The following SORCS1 variants were observed in gnomAD, a reference collection of about 807,000 sequenced individuals.
SORCS1 encodes sortilin related VPS10 domain containing receptor 1.
Under a neutral mutation model 146.1 loss-of-function variants are expected in SORCS1, and 60 were observed. That is an observed-to-expected ratio of 0.41 (90% confidence interval 0.33 to 0.51). The LOEUF (loss-of-function observed/expected upper bound fraction) is 0.51, where lower values mean the gene tolerates loss of function less well. Ranked by LOEUF, SORCS1 falls within the 20% of genes least tolerant of loss-of-function variation. The pLI, the probability that SORCS1 is intolerant of heterozygous loss-of-function variation, is 0.21. For missense variants in SORCS1, 1,352 were observed against 1,487.6 expected, an observed-to-expected ratio of 0.91 and a Z score of 1.50; for synonymous variants, 637 against 584.0, an observed-to-expected ratio of 1.09 and a Z score of -1.31.
rs142927446 is a variant in SORCS1, at chr10:107,112,621, T to C, written c.558+51348A>G. ...AATGGGTTAAAAAAAATCAACAATA[T>C]GCTACCTAAAATAGACTCACTTAAG... On this transcript the variant is annotated intron_variant, in intron 1 of 25. Coordinates refer to ENST00000263054, the MANE Select transcript of SORCS1 (RefSeq NM_052918.5). Among the ~76,000 whole-genome samples the C allele has an allele frequency of 2.0e-3, 298 of 152,154 alleles. 1 individual carries two copies. The highest frequency in any genetic ancestry group is 7.0e-3 in the African/African-American group (291 of 41,534).
chr10:106,597,778 A>G (rs1845993213), intron 23 of SORCS1, among the ~76,000 whole-genome samples: 2 of 152,212 alleles, frequency 1.3e-5, no homozygotes, highest in African/African-American at 4.8e-5. Context: ...TGAGGACTTA[A>G]AAGAAGTATA....
intron 3 of SORCS1, among the ~76,000 whole-genome samples, chr10:106,790,827 C>T (rs1427175092): frequency 6.6e-6 from 1 of 152,098 alleles, no homozygotes; most frequent in African/African-American, 2.4e-5. Flanking sequence ...GTCAAAGATA[C>T]AATAATTTTG....
intron 1 of SORCS1, among the ~76,000 whole-genome samples, chr10:107,008,132 T>C (rs190300729): frequency 5.3e-5 from 8 of 152,260 alleles, no homozygotes; most frequent in Admixed American, 1.3e-4. Flanking sequence ...GTTTTTTCTA[T>C]ACTAACATCA....
In SORCS1 at chr10:106,947,803, A is replaced by G. The variant is rs2138850800; in HGVS notation, c.626+8710T>C. ...GCAGAGGTTGCAGTGAGCCGAGAAC[A>G]TGCCATCACTCTTCACAAGAGTGAA... is the stretch of plus-strand genomic sequence containing the variant. On this transcript the variant is annotated intron_variant, in intron 2 of 25. Transcript: ENST00000263054. Among the ~76,000 whole-genome samples, 2 of 152,164 alleles carry G rather than the reference A, an allele frequency of 1.3e-5. 1 individual carries two copies. Among genetic ancestry groups the G allele is most frequent in the South Asian group, 4.1e-4 (2 of 4,822 alleles).
chr10:107,106,025 A>T (rs894517408), intron 1 of SORCS1, among the ~76,000 whole-genome samples: 1 of 152,212 alleles, frequency 6.6e-6, no homozygotes, highest in African/African-American at 2.4e-5. Context: ...ACACATTCAT[A>T]AGCTAGACTG....
chr10:107,086,826 G>A (rs955545493), intron 1 of SORCS1, among the ~76,000 whole-genome samples: 4 of 152,190 alleles, frequency 2.6e-5, no homozygotes, highest in Non-Finnish European at 4.4e-5. Context: ...TCAGGAGATC[G>A]AGACCATCCT....
chr10:107,144,777 C>T (rs1480368722), intron 1 of SORCS1, among the ~76,000 whole-genome samples: 3 of 152,210 alleles, frequency 2.0e-5, no homozygotes, highest in African/African-American at 7.2e-5. Context: ...TAGAACCTAT[C>T]AATATAAGAG....
Position 106,736,019 on chromosome 10 carries a change from GATCACTAAAGACAAGAAT to G in SORCS1, c.960-5923_960-5906del, listed in dbSNP as rs1276768285. ...GAGCTATTTTGAAATAAAACCTAAA[GATCACTAAAGACAAGAAT>G]ATGAATAAAAACAAATCACACTCTG... is the stretch of plus-strand genomic sequence containing the variant. On this transcript the variant is annotated intron_variant, in intron 5 of 25. Transcript: ENST00000263054. Among the ~76,000 whole-genome samples the G allele has an allele frequency of 3.3e-5, 5 of 152,256 alleles. No individual in the cohort carries two copies. The East Asian group carries it at 5.8e-4, about 18-fold the overall frequency.
At chr10:106,789,373 C>T (rs375625182) in intron 3 of SORCS1, among the ~76,000 whole-genome samples, 385 of 152,286 alleles carry the variant, frequency 2.5e-3, no homozygotes, top group African/African-American at 8.7e-3. Flanking sequence ...TTTTTCTTTT[C>T]TACTGCATTG....
At chr10:106,668,055 A>C in intron 16 of SORCS1, among the ~76,000 whole-genome samples, 1 of 152,204 alleles carries the variant, frequency 6.6e-6, no homozygotes, top group Non-Finnish European at 1.5e-5. Flanking sequence ...AAACACTCTC[A>C]AGCTGAGAGA....
intron 1 of SORCS1, among the ~76,000 whole-genome samples, chr10:107,003,108 A>G (rs1190355890): frequency 2.0e-5 from 3 of 152,154 alleles, no homozygotes; most frequent in Non-Finnish European, 4.4e-5. Flanking sequence ...TACAAAAATT[A>G]GCCAGGCATG....
chr10:106,597,494 GATTAT>G (rs1179286707), intron 23 of SORCS1, 44 bp from the exon 24 acceptor site: 2 of 1,410,652 alleles, frequency 1.4e-6, no homozygotes, highest in African/African-American at 1.4e-5. Context: ...GTGTCATACT[GATTAT>G]AAACCAATAA....
At chr10:107,103,316 T>C (rs1258147896) in intron 1 of SORCS1, among the ~76,000 whole-genome samples, 1 of 152,178 alleles carries the variant, frequency 6.6e-6, no homozygotes, top group Non-Finnish European at 1.5e-5. Flanking sequence ...TGCAAATAAT[T>C]GGCCTGGCCT....
At position 107,109,896 on chromosome 10, in the gene SORCS1, C is replaced by T. The variant is rs369183352; in HGVS notation, c.558+54073G>A. Among the ~76,000 whole-genome samples the T allele has an allele frequency of 2.5e-4, 38 of 152,302 alleles. No homozygotes were observed. In the East Asian group the frequency reaches 5.8e-3, roughly 23 times the overall value. ...GCCAGGACATATCTTGAATACTTTG[C>T]TGCTTAGAAATTTCTTCTGCCAGAT... On this transcript the variant is annotated intron_variant, in intron 1 of 25. Coordinates refer to ENST00000263054, the MANE Select transcript of SORCS1 (RefSeq NM_052918.5).
At chr10:106,793,320 C>T (rs553880357) in intron 3 of SORCS1, among the ~76,000 whole-genome samples, 105 of 152,182 alleles carry the variant, frequency 6.9e-4, no homozygotes, top group Non-Finnish European at 1.2e-3. Flanking sequence ...CAGAGGAATG[C>T]GGGCATGCAT....
chr10:106,778,007 A>G (rs1860589546), intron 3 of SORCS1, among the ~76,000 whole-genome samples: 3 of 152,182 alleles, frequency 2.0e-5, no homozygotes, highest in African/African-American at 4.8e-5. Flanking sequence ...AGAGAGGGGA[A>G]TAGAATCATA....
chr10:106,801,635 T>G (rs1299612351), intron 3 of SORCS1, among the ~76,000 whole-genome samples: 1 of 150,684 alleles, frequency 6.6e-6, no homozygotes, highest in African/African-American at 2.4e-5. Context: ...GTTCACGCCA[T>G]TCTCCTGCCT....
rs1173994680 is a variant in SORCS1 at position 106,990,442 on chromosome 10, G to C, written c.559-33862C>G. Among the ~76,000 whole-genome samples, 3 of 152,046 alleles carry C rather than the reference G, an allele frequency of 2.0e-5. No homozygotes were observed. In the East Asian group the frequency reaches 5.8e-4, roughly 29 times the overall value. ...GAGGCACCACACCTGGCTATTTTTTGTATTTTTAGTAGAGATGGGTTTTCA... is the reference window on the plus strand; with the variant it reads ...GAGGCACCACACCTGGCTATTTTTTCTATTTTTAGTAGAGATGGGTTTTCA... On this transcript the variant is annotated intron_variant, in intron 1 of 25. Coordinates refer to ENST00000263054, the MANE Select transcript of SORCS1 (RefSeq NM_052918.5).
intron 2 of SORCS1, among the ~76,000 whole-genome samples, chr10:106,911,716 A>G (rs1027611555): frequency 1.1e-4 from 16 of 152,094 alleles, no homozygotes; most frequent in African/African-American, 3.9e-4. Context: ...TTAGATTCAC[A>G]TGGGGAGATT....
Sources: allele counts gnomAD v4.1 joint callset (sites outside exome capture counted in the v4.1 genomes callset), GRCh38; gene constraint gnomAD v4.1.1; transcripts MANE v1.5; gene names NCBI Gene and HGNC (gene_info 2026-07-23, HGNC 2026-07-21).